Variants in PINLYP observed in about 807,000 individuals in gnomAD.
The protein encoded by PINLYP is phospholipase A2 inhibitor and Ly6/PLAUR domain-containing protein.
In PINLYP, 12 loss-of-function variants were observed where a neutral mutation model predicts 15.8. That is an observed-to-expected ratio of 0.76 (90% CI 0.49 to 1.23). PINLYP has a LOEUF of 1.23. PINLYP is among the 50% of genes most tolerant of loss of function. PINLYP has a pLI of 0.00. For missense variants in PINLYP, 278 were observed against 264.2 expected (o/e 1.05, Z -0.36); for synonymous variants, 93 against 97.7 (o/e 0.95, Z 0.28).
chr19:43,579,008 T>G (rs1351099655), intron 3 of PINLYP: 19 of 283,356 alleles, frequency 6.7e-5, no homozygotes, highest in South Asian at 1.3e-4. Context: ...AAAGACACTG[T>G]GGGGGGCAGA....
chr19:43,580,773 G>A, intron 3 of PINLYP: 2 of 852,270 alleles, frequency 2.3e-6, no homozygotes, highest in African/African-American at 1.8e-5. Context: ...GCACCAGACA[G>A]ATTTGGCCGC....
intron 3 of PINLYP, 147 bp downstream of exon 3, chr19:43,578,853 A>T (rs1329063852): frequency 7.9e-6 from 5 of 631,064 alleles, no homozygotes; most frequent in Non-Finnish European, 1.4e-5. Context: ...GGGAAAGACC[A>T]TCATGAGATG....
rs928126314 is a variant in PINLYP at position 43,581,895 on chromosome 19, G to A, written c.509G>A (p.Arg170Gln). ...ATTTTCAAACCCAGATTTGCTATGC[G>A]GGGCTGTGCTACAGAGAGTATGTGC... Residue 170 changes from arginine to glutamine, a missense_variant, in exon 6 of 6, where the codon CGG (arginine) becomes CAG (glutamine). Arg to Gln is a conservative substitution (Grantham distance 43). Coordinates refer to ENST00000599207, the Ensembl canonical transcript of PINLYP. The A allele has an allele frequency of 7.2e-6, 11 of 1,536,606 alleles. No individual in the cohort carries two copies. Among genetic ancestry groups the A allele is most frequent in the African/African-American group, 4.1e-5 (3 of 73,026 alleles).
At chr19:43,580,958 C>T (rs996336071) in intron 3 of PINLYP, 3 of 416,816 alleles carry the variant, frequency 7.2e-6, no homozygotes, top group African/African-American at 6.2e-5. Flanking sequence ...AAAAAAATAG[C>T]CGGGCATGGT....
rs538856683 is a variant in PINLYP at position 43,581,633 on chromosome 19, C to T, written c.411C>T (p.Cys137=). 5.2e-6 allele frequency: 8 copies of T among 1,536,522 alleles called. No homozygotes were observed. The East Asian group carries it at 9.8e-5, about 19-fold the overall frequency. Residue 137 remains cysteine, a synonymous_variant, in exon 5 of 6, where the codon TGC becomes TGT. Transcript: ENST00000599207. ...GCACTGCGAGCTTCAGGGACAAATG[C>T]ATGGGGCCCATGACCCACTGTACTG...
In PINLYP at chr19:43,576,887, GCAAA is replaced by G. The variant is rs1390426270; in HGVS notation, c.-98_-95del. Reference sequence around the variant, plus strand: ...GGCCCAACTCCGTCTTGGTCTTCAAGCAAACAAACAAACAACAATGGGCCGTGGG... The same window carrying G: ...GGCCCAACTCCGTCTTGGTCTTCAAGCAAACAAACAACAATGGGCCGTGGG... On this transcript the variant is annotated 5_prime_UTR_variant, in exon 1 of 6. An upstream open reading frame in the 5' UTR loses its in-frame stop. Transcript: ENST00000599207. 17 of 363,734 alleles carry G rather than the reference GCAAA, an allele frequency of 4.7e-5. No homozygotes were observed. The highest frequency in any genetic ancestry group is 9.9e-5 in the Admixed American group (2 of 20,110). 22.5% of individuals were successfully genotyped at this position (363,734 alleles called of 1,614,324 possible).
chr19:43,578,647 T>A, exon 3 of PINLYP: 1 of 1,535,906 alleles, frequency 6.5e-7, no homozygotes, highest in Non-Finnish European at 8.7e-7. Context: ...CATGGCCAAA[T>A]GAAGACCTGC....
chr19:43,577,314 C>T, intron 2 of PINLYP, 53 bp downstream of exon 2: 1 of 1,500,420 alleles, frequency 6.7e-7, no homozygotes, highest in African/African-American at 1.4e-5. Flanking sequence ...GAGAGAGGTC[C>T]CAGATTGAGA....
chr19:43,581,392 G>A (rs1055063849), intron 4 of PINLYP, 28 bp downstream of exon 4: 3 of 1,535,960 alleles, frequency 2.0e-6, no homozygotes, highest in Non-Finnish European at 1.7e-6. Context: ...TGTGGTGTGT[G>A]CTCTGGCTCT....
chr19:43,575,614 G>T, upstream of PINLYP: 1 of 623,020 alleles, frequency 1.6e-6, no homozygotes, highest in East Asian at 3.1e-5. Context: ...GCCGGCGCCG[G>T]CGTCGACACT....
intron 3 of PINLYP, chr19:43,580,476 G>A (rs1042075876): frequency 1.0e-4 from 100 of 958,960 alleles, no homozygotes; most frequent in Non-Finnish European, 1.2e-4. Flanking sequence ...TGCTGGGACC[G>A]GGGTTCATTG....
chr19:43,578,991 G>A (rs1346850269), intron 3 of PINLYP: 2 of 348,644 alleles, frequency 5.7e-6, no homozygotes, highest in Non-Finnish European at 5.6e-6. Flanking sequence ...GCAGAAGAGG[G>A]GTAAGGAAAG....
intron 3 of PINLYP, chr19:43,580,493 A>G: frequency 1.0e-6 from 1 of 979,508 alleles, no homozygotes; most frequent in South Asian, 4.7e-5. Context: ...ATTGGAAGAG[A>G]CTACGGGGTG....
rs3213235 is a variant in PINLYP at position 43,577,339 on chromosome 19, G to T, written c.70+78G>T. The T allele has an allele frequency of 8.9e-3, 12,296 of 1,383,478 alleles. 76 individuals are homozygous for T. Among genetic ancestry groups the T allele is most frequent in the Middle Eastern group, 0.017 (90 of 5,394 alleles). 85.7% of individuals were successfully genotyped at this position (1,383,478 alleles called of 1,614,324 possible). A position where few individuals can be genotyped will look rare whatever the true frequency, so the allele number is the denominator to read the frequency against. The stretch of plus-strand genomic sequence containing the variant: ...CCAGATTGAGAGAGAGAGAGATATA[G>T]AGAGAGAAAGAGCCTTCAGCAAGTC... On this transcript the variant is annotated intron_variant, in intron 2 of 5. Coordinates refer to ENST00000599207, the Ensembl canonical transcript of PINLYP.
chr19:43,577,323 G>C (rs2146079881), intron 2 of PINLYP, 62 bp downstream of exon 2: 2 of 1,480,336 alleles, frequency 1.4e-6, no homozygotes, highest in African/African-American at 1.4e-5. Flanking sequence ...CCCAGATTGA[G>C]AGAGAGAGAG....
At chr19:43,581,412 C>T (rs1010950545) in intron 4 of PINLYP, 48 bp downstream of exon 4, 18 of 1,532,300 alleles carry the variant, frequency 1.2e-5, no homozygotes, top group Middle Eastern at 1.7e-4. Flanking sequence ...TCCACTGACC[C>T]TTGCTGTAGC....
At chr19:43,578,621 G>A (rs764456539) in exon 3 of PINLYP, 14 of 1,535,902 alleles carry the variant, frequency 9.1e-6, no homozygotes, top group South Asian at 1.2e-5. Context: ...TATGTACGGC[G>A]GCGGGGAGCA....
chr19:43,578,535 G>C, intron 2 of PINLYP, 55 bp from the exon 3 acceptor site: 1 of 1,332,038 alleles, frequency 7.5e-7, no homozygotes, highest in South Asian at 1.3e-5. Flanking sequence ...TCAAAGTCGT[G>C]GTCCGAAGAC....
intron 3 of PINLYP, chr19:43,580,550 C>G (rs1027871636): frequency 2.2e-5 from 22 of 978,630 alleles, no homozygotes; most frequent in South Asian, 9.5e-5. Context: ...GACCATTTCA[C>G]GAAGGCATGG....
Sources: gnomAD v4.1 joint callset for allele counts on GRCh38, gnomAD v4.1.1 for gene constraint, MANE v1.5 for transcripts, NCBI Gene and HGNC (gene_info 2026-07-23, HGNC 2026-07-21) for gene names.